PAM: variants seen among roughly 807,000 people sequenced by gnomAD.
PAM encodes the protein peptidyl-glycine alpha-amidating monooxygenase.
Under a neutral mutation model 122.1 loss-of-function variants are expected in PAM, and 72 were observed. The observed-to-expected ratio is 0.59, with a 90% CI of 0.49 to 0.72. The LOEUF is 0.72. Among genes scored for constraint, PAM ranks in the 30% least tolerant of loss-of-function variants. PAM has a pLI of 0.00. For missense variants in PAM, 1,106 were observed against 1,183.7 expected, an observed-to-expected ratio of 0.93 and a Z score of 0.96; for synonymous variants, 389 against 404.4, an observed-to-expected ratio of 0.96 and a Z score of 0.46.
chr5:102,795,954 A>G (rs578187421), intron 1 of PAM, among the ~76,000 whole-genome samples: 14 of 151,990 alleles, frequency 9.2e-5, no homozygotes. Flanking sequence ...ACCATGAGTT[A>G]TTTTTTTTAG....
At chr5:102,787,954 A>T (rs1267171856) in intron 1 of PAM, among the ~76,000 whole-genome samples, 2 of 152,082 alleles carry the variant, frequency 1.3e-5, no homozygotes, top group African/African-American at 2.4e-5. Flanking sequence ...GGCAAAATAG[A>T]TCAATTTGCT....
At chr5:102,815,814 A>AGTAC (rs1233012425) in intron 1 of PAM, among the ~76,000 whole-genome samples, 2 of 152,222 alleles carry the variant, frequency 1.3e-5, no homozygotes, top group Non-Finnish European at 2.9e-5. Context: ...GTCCAAACTT[A>AGTAC]GTACTAAGTG....
At chr5:103,026,242 G>A (rs1784903181) in intron 24 of PAM, among the ~76,000 whole-genome samples, 1 of 152,130 alleles carries the variant, frequency 6.6e-6, no homozygotes, top group South Asian at 2.1e-4. Context: ...AGGTCCTAGA[G>A]CAAGTCTATA....
intron 3 of PAM, among the ~76,000 whole-genome samples, chr5:102,867,753 C>T (rs1786059643): frequency 6.6e-6 from 1 of 152,162 alleles, no homozygotes; most frequent in Non-Finnish European, 1.5e-5. Flanking sequence ...TGAGCAGCTG[C>T]ATTTAAGCTA....
rs185219044 is a variant in PAM, at chr5:103,029,435, T to C, written c.*370T>C. ...TTCCCAATAGCACTTTCATTGCCAG[T>C]GTCTTTCTTTGGTGCCTTTCCTGTT... On this transcript the variant is annotated 3_prime_UTR_variant, in exon 26 of 26. Transcript: ENST00000438793. The C allele has an allele frequency of 2.5e-4, 40 of 162,020 alleles. No individual in the cohort carries two copies. The East Asian group carries it at 6.9e-3, about 28-fold the overall frequency. The allele number at this position is 162,020 out of a possible 1,614,324, so 10.0% of individuals were successfully genotyped here.
chr5:102,980,482 C>G (rs1390745026), intron 15 of PAM, among the ~76,000 whole-genome samples: 1 of 152,032 alleles, frequency 6.6e-6, no homozygotes, highest in Non-Finnish European at 1.5e-5. Context: ...GCTGAAGTTC[C>G]TTTCCTGTCA....
chr5:102,902,290 G>T (rs905832637), intron 4 of PAM, among the ~76,000 whole-genome samples: 1 of 151,572 alleles, frequency 6.6e-6, no homozygotes, highest in East Asian at 2.0e-4. Context: ...TTTTTATGAG[G>T]TGTTTCCCAC....
chr5:103,027,698 C>T (rs26434), intron 24 of PAM, among the ~76,000 whole-genome samples: 113,441 of 152,096 alleles, frequency 0.75, 42,820 homozygotes, highest in African/African-American at 0.86. Flanking sequence ...AAGCAAGATA[C>T]GTACTGTCAG....
intron 3 of PAM, among the ~76,000 whole-genome samples, chr5:102,867,849 C>A (rs1786089295): frequency 6.6e-6 from 1 of 152,144 alleles, no homozygotes; most frequent in South Asian, 2.1e-4. Flanking sequence ...CAAAACATTC[C>A]ACTCTTTTAA....
chr5:102,823,458 G>T (rs973394150), intron 1 of PAM, among the ~76,000 whole-genome samples: 4 of 152,004 alleles, frequency 2.6e-5, no homozygotes, highest in African/African-American at 7.3e-5. Context: ...TCAAATATGT[G>T]ACCATCACAT....
At chr5:102,974,003 T>C in intron 14 of PAM, 113 bp from the exon 15 acceptor site, 1 of 680,336 alleles carries the variant, frequency 1.5e-6, no homozygotes, top group Non-Finnish European at 2.5e-6. Flanking sequence ...GAGTGCAAAC[T>C]TCTCTCTTAT....
chr5:102,769,496 T>G (rs553536915), intron 1 of PAM, among the ~76,000 whole-genome samples: 1 of 152,300 alleles, frequency 6.6e-6, no homozygotes, highest in African/African-American at 2.4e-5. Flanking sequence ...GTCTTAGATT[T>G]AAGTCTTTAA....
chr5:102,974,020 T>A (rs1247129692), intron 14 of PAM, 96 bp from the exon 15 acceptor site: 2 of 752,706 alleles, frequency 2.7e-6, no homozygotes, highest in Non-Finnish European at 4.3e-6. Flanking sequence ...TTATTTATTA[T>A]GAGAAATGAG....
At chr5:102,921,806 G>C (rs1483848230) in intron 5 of PAM, among the ~76,000 whole-genome samples, 1 of 152,044 alleles carries the variant, frequency 6.6e-6, no homozygotes, top group African/African-American at 2.4e-5. Context: ...ATCATTCTCT[G>C]CCCATAAATC....
Position 103,006,942 on chromosome 5 carries a change from G to T in PAM, c.1945G>T (p.Asp649Tyr). 2 of 1,614,092 alleles carry T rather than the reference G, an allele frequency of 1.2e-6. No homozygotes were observed. The highest frequency in any genetic ancestry group is 1.7e-6 in the Non-Finnish European group (2 of 1,179,986). ...DPGTGAIYVS[D>Y]GYCNSRIVQF... ...AGGCACTGGAGCCATTTATGTATCA[G>T]ATGGTTACTGCAACAGCAGGATTGT... Residue 649 changes from aspartate (D) to tyrosine (Y), a missense_variant, in exon 19 of 26, where the codon GAT (aspartate) becomes TAT (tyrosine). By Grantham distance (160) the Asp-to-Tyr change is radical. This residue lies in a region of PAM where 103 missense variants were observed against 157.9 expected (regional missense o/e 0.65). Transcript: ENST00000438793.
intron 1 of PAM, among the ~76,000 whole-genome samples, chr5:102,825,280 T>G (rs1456193072): frequency 1.6e-4 from 24 of 152,208 alleles, no homozygotes; most frequent in Admixed American, 1.4e-3. Context: ...GGTTTTAGAT[T>G]CTGTAATACC....
At position 102,913,946 on chromosome 5, in the gene PAM, C is replaced by G. The variant is rs752070769; in HGVS notation, c.281C>G (p.Pro94Arg). 6.2e-7 allele frequency: 1 copy of G among 1,601,968 alleles called. No homozygotes were observed. Among genetic ancestry groups the G allele is most frequent in the Admixed American group, 1.7e-5 (1 of 59,876 alleles). ...TTTCTCGTAACAGTTGACTTCAAGC[C>G]TCGAGCCAGCATGGATACTGTCCAT... Reference protein sequence around the residue: ...DEEAFVIDFKPRASMDTVHHM... With the variant: ...DEEAFVIDFKRRASMDTVHHM... The change falls in exon 5 of 26, where the codon CCT (proline) becomes CGT (arginine). Residue 94 changes from proline (P) to arginine (R), a missense_variant. Pro to Arg is a moderately radical substitution (Grantham distance 103). This residue lies in a region of PAM where 670 missense variants were observed against 690.3 expected (regional missense o/e 0.97). Coordinates refer to ENST00000438793, the MANE Select transcript of PAM (RefSeq NM_001177306.2).
intron 1 of PAM, among the ~76,000 whole-genome samples, chr5:102,765,621 G>C (rs942580142): frequency 7.9e-5 from 12 of 152,162 alleles, no homozygotes; most frequent in African/African-American, 2.9e-4. Flanking sequence ...CACAAACCGG[G>C]TGGCTTAAAC....
intron 1 of PAM, chr5:102,837,590 A>G (rs1777440127): frequency 6.6e-6 from 1 of 152,224 alleles, no homozygotes; most frequent in Middle Eastern, 3.2e-3. Context: ...GATTAATTTA[A>G]GTAACTTAAT....
Sources: allele counts gnomAD v4.1 joint callset (sites outside exome capture counted in the v4.1 genomes callset), GRCh38; gene constraint gnomAD v4.1.1; regional missense constraint gnomAD v4.1.1; transcripts MANE v1.5; gene names NCBI Gene and HGNC (gene_info 2026-07-23, HGNC 2026-07-21).